The following ENPP3 variants were observed in gnomAD, a reference collection of about 807,000 sequenced individuals.
The protein encoded by ENPP3 is ectonucleotide pyrophosphatase/phosphodiesterase 3.
In ENPP3, 104 loss-of-function variants were observed where a neutral mutation model predicts 117.8. The observed-to-expected ratio is 0.88, with a 90% CI of 0.75 to 1.04. The LOEUF is 1.04. ENPP3 is among the 50% of genes least tolerant of loss of function. The pLI, the probability that ENPP3 is intolerant of heterozygous loss-of-function variation, is 0.00. For missense variants in ENPP3, 1,026 were observed against 1,051.9 expected (o/e 0.98, Z 0.34); for synonymous variants, 380 against 349.9 (o/e 1.09, Z -0.96).
At chr6:131,674,940 A>G (rs1778833061) in intron 8 of ENPP3, 140 bp from the exon 9 acceptor site, 4 of 573,612 alleles carry the variant, frequency 7.0e-6, no homozygotes, top group Non-Finnish European at 9.3e-6. Flanking sequence ...TTAGATAATT[A>G]TATCTTTTAA....
At chr6:131,679,214 C>T (rs1778968968) in intron 11 of ENPP3, among the ~76,000 whole-genome samples, 1 of 151,596 alleles carries the variant, frequency 6.6e-6, no homozygotes, top group Admixed American at 6.6e-5. Context: ...CCTGTCTCAG[C>T]CTCTTGAGTA....
intron 15 of ENPP3, among the ~76,000 whole-genome samples, chr6:131,695,054 G>A (rs1461331015): frequency 6.6e-6 from 1 of 151,768 alleles, no homozygotes; most frequent in Non-Finnish European, 1.5e-5. Context: ...CTCTCTTTGG[G>A]ATCGAAGTTT....
At chr6:131,638,490 GT>G (rs1393385355) in intron 1 of ENPP3, 1 of 453,648 alleles carries the variant, frequency 2.2e-6, no homozygotes, top group African/African-American at 2.0e-5. Flanking sequence ...CACAACCTCT[GT>G]TTCCCAGGCT....
At chr6:131,662,763 T>C (rs1444050686) in intron 6 of ENPP3, among the ~76,000 whole-genome samples, 1 of 152,182 alleles carries the variant, frequency 6.6e-6, no homozygotes, top group African/African-American at 2.4e-5. Context: ...ATTGAATCTA[T>C]AGATTGTTTT....
intron 3 of ENPP3, among the ~76,000 whole-genome samples, chr6:131,650,834 A>G (rs192829022): frequency 1.3e-5 from 2 of 152,072 alleles, no homozygotes; most frequent in Admixed American, 6.6e-5. Flanking sequence ...GTCTGGGTCT[A>G]TGTTTAAATT....
chr6:131,746,872 T>A lies in ENPP3; in HGVS notation c.2544T>A (p.Leu848=), dbSNP rs2114594145. The A allele has an allele frequency of 6.2e-7, 1 of 1,613,382 alleles. No homozygotes were observed. ...GTGATGTAGAACTTCTCACTGGGCT[T>A]GACTTCTATCAGGATAAAGTGCAGC... The part of the protein sequence containing the change: ...RVRDVELLTG[L]DFYQDKVQPV... Residue 848 remains leucine, a synonymous_variant, in exon 25 of 25, where the codon CTT becomes CTA. Transcript: ENST00000357639.
rs1562447085 is a variant in ENPP3 at position 131,679,089 on chromosome 6, T to TTTCTTTCTTTC, written c.1011+1149_1011+1150insTTCTTTCTTTC. Reference sequence around the variant, plus strand: ...TCTTTCTTTCTTTCTTTCTTTCTTTTCTTCTTTCTTTCTTTCCTTTTTTGA... The same window carrying TTTCTTTCTTTC: ...TCTTTCTTTCTTTCTTTCTTTCTTTTTTCTTTCTTTCCTTCTTTCTTTCTTTCCTTTTTTGA... On this transcript the variant is annotated intron_variant, in intron 11 of 24. Transcript: ENST00000357639. Among the ~76,000 whole-genome samples the TTTCTTTCTTTC allele has an allele frequency of 1.4e-3, 111 of 80,480 alleles. 10 individuals are homozygous for TTTCTTTCTTTC. The highest frequency in any genetic ancestry group is 6.0e-3 in the Middle Eastern group (1 of 166). 52.8% of individuals were successfully genotyped at this position (80,480 alleles called of 152,430 possible).
At chr6:131,697,494 G>A (rs55816221) in intron 15 of ENPP3, among the ~76,000 whole-genome samples, 2 of 151,780 alleles carry the variant, frequency 1.3e-5, no homozygotes, top group Non-Finnish European at 2.9e-5. Flanking sequence ...CTTTATTTCA[G>A]TTATTATTAC....
chr6:131,684,995 G>A (rs1049706848), intron 12 of ENPP3, among the ~76,000 whole-genome samples: 1 of 152,076 alleles, frequency 6.6e-6, no homozygotes, highest in Non-Finnish European at 1.5e-5. Flanking sequence ...ATGTTGGCTA[G>A]GCTGGTCTTG....
chr6:131,699,235 C>CAAAAAAAAAAAAA (rs4053087), intron 15 of ENPP3, among the ~76,000 whole-genome samples: 38 of 107,840 alleles, frequency 3.5e-4, no homozygotes, highest in African/African-American at 1.2e-3. Flanking sequence ...AAGACTGTCT[C>CAAAAAAAAAAAAA]AAAAAAAAAA....
intron 11 of ENPP3, among the ~76,000 whole-genome samples, chr6:131,679,074 T>TTTTC (rs1778962216): frequency 1.5e-5 from 2 of 135,448 alleles, no homozygotes; most frequent in Non-Finnish European, 3.1e-5. Flanking sequence ...TCTTTCTTTC[T>TTTTC]TTCTTTCTTT....
At chr6:131,677,289 G>A (rs1778890596) in intron 10 of ENPP3, among the ~76,000 whole-genome samples, 1 of 152,154 alleles carries the variant, frequency 6.6e-6, no homozygotes, top group African/African-American at 2.4e-5. Flanking sequence ...TTTCGAAAAT[G>A]TGGTTGACAT....
intron 20 of ENPP3, among the ~76,000 whole-genome samples, chr6:131,726,742 CTGAGGTTGAGGTCCACT>C (rs1780162440): frequency 6.6e-6 from 1 of 152,186 alleles, no homozygotes; most frequent in South Asian, 2.1e-4. Context: ...GATCTCCAGG[CTGAGGTTGAGGTCCACT>C]TGTTTAAAGC....
chr6:131,656,698 C>T (rs1168662036), intron 5 of ENPP3, among the ~76,000 whole-genome samples: 1 of 150,442 alleles, frequency 6.6e-6, no homozygotes, highest in Non-Finnish European at 1.5e-5. Context: ...ACCTGGGAGG[C>T]GGAGCTTACA....
At chr6:131,737,098 G>A (rs1441732965) in intron 21 of ENPP3, among the ~76,000 whole-genome samples, 1 of 152,116 alleles carries the variant, frequency 6.6e-6, no homozygotes, top group Admixed American at 6.5e-5. Context: ...CATCTGCAAA[G>A]ACCTATTTCC....
At chr6:131,656,490 G>A (rs533341234) in intron 5 of ENPP3, among the ~76,000 whole-genome samples, 22 of 152,190 alleles carry the variant, frequency 1.4e-4, no homozygotes, top group Middle Eastern at 3.4e-3. Context: ...GTCGTAGGCC[G>A]GGCATGGTGG....
At chr6:131,717,350 GGGTGTGTGTGT>G (rs1322325349) in intron 15 of ENPP3, among the ~76,000 whole-genome samples, 1 of 52,376 alleles carries the variant, frequency 1.9e-5, no homozygotes, top group African/African-American at 2.3e-4. Context: ...ACCCTGCGGG[GGGTGTGTGTGT>G]GTGTGTGTGT....
At position 131,650,094 on chromosome 6, in the gene ENPP3, A is replaced by T; in HGVS notation, c.222A>T (p.Ala74=). The change falls in exon 3 of 25, where the codon GCA becomes GCT. Residue 74 remains alanine, a synonymous_variant. Coordinates refer to ENST00000357639, the MANE Select transcript of ENPP3 (RefSeq NM_005021.5). The stretch of plus-strand genomic sequence containing the variant: ...TGGAGAACTGCCGGTGTGATGTGGC[A>T]TGTAAAGACCGAGGTGATTGCTGCT... ...RGLENCRCDV[A]CKDRGDCCWD... is the part of the protein sequence containing the mutation. 1 of 1,614,132 alleles carries T rather than the reference A, an allele frequency of 6.2e-7. No homozygotes were observed. The highest frequency in any genetic ancestry group is 8.5e-7 in the Non-Finnish European group (1 of 1,179,988).
At chr6:131,699,186 C>T (rs1386064011) in intron 15 of ENPP3, among the ~76,000 whole-genome samples, 6 of 135,810 alleles carry the variant, frequency 4.4e-5, no homozygotes, top group Admixed American at 2.4e-4. Context: ...TGCGGTGAGC[C>T]GAGATTGCAC....
Sources: gnomAD v4.1 joint callset for allele counts (sites outside exome capture counted in the v4.1 genomes callset) on GRCh38, gnomAD v4.1.1 for gene constraint, MANE v1.5 for transcripts, NCBI Gene and HGNC (gene_info 2026-07-23, HGNC 2026-07-21) for gene names.